Variants in PPP1R12A observed in about 807,000 individuals in gnomAD.
PPP1R12A encodes the protein myosin binding subunit.
In PPP1R12A, 19 loss-of-function variants were observed where a neutral mutation model predicts 139.6. The observed-to-expected ratio is 0.14, with a 90% CI of 0.09 to 0.20. The LOEUF is 0.20. Among genes scored for constraint, PPP1R12A ranks in the 10% least tolerant of loss-of-function variants. The probability of loss-of-function intolerance (pLI) is 1.00; values close to 1 mark genes in which losing one functional copy is unlikely to be tolerated. For synonymous variants in PPP1R12A, 427 were observed against 420.6 expected (o/e 1.02, Z -0.19); for missense variants, 925 against 1,211.5 (o/e 0.76, Z 3.51).
At position 79,809,924 on chromosome 12, in the gene PPP1R12A, C is replaced by T. The variant is rs755273750; in HGVS notation, c.1326G>A (p.Lys442=). The T allele has an allele frequency of 4.3e-6, 7 of 1,613,446 alleles. No homozygotes were observed. Among genetic ancestry groups the T allele is most frequent in the Non-Finnish European group, 5.9e-6 (7 of 1,179,690 alleles). ...CAGCAAGTGCACCATAGCTGCCCGTCTTTCTAAGTCCTAACCTCCAAGTTG... is the reference window on the plus strand; with the variant it reads ...CAGCAAGTGCACCATAGCTGCCCGTTTTTCTAAGTCCTAACCTCCAAGTTG... ...SPATWRLGLR[K]TGSYGALAEI... Residue 442 remains lysine (K), a synonymous_variant, in exon 10 of 25, where the codon AAG becomes AAA. Transcript: ENST00000450142.
chr12:79,834,943 G>A (rs1877890487), intron 3 of PPP1R12A, among the ~76,000 whole-genome samples: 1 of 152,146 alleles, frequency 6.6e-6, no homozygotes. Context: ...TAACTGGATT[G>A]AGAGATTCCT....
chr12:79,841,501 T>C (rs1878708037), intron 3 of PPP1R12A, among the ~76,000 whole-genome samples: 1 of 152,204 alleles, frequency 6.6e-6, no homozygotes, highest in Non-Finnish European at 1.5e-5. Flanking sequence ...CATAGAACAT[T>C]TGCTGGCACA....
At chr12:79,786,692 C>A in intron 21 of PPP1R12A, 1 of 348,010 alleles carries the variant, frequency 2.9e-6, no homozygotes. Context: ...TTCCAGTATT[C>A]AAAAATCAAG....
chr12:79,777,038 TAA>T (rs1230198838), intron 24 of PPP1R12A: 4 of 428,164 alleles, frequency 9.3e-6, no homozygotes, highest in Admixed American at 6.4e-5. Flanking sequence ...ATAGTAATAT[TAA>T]GTTTATTCAT....
Position 79,900,048 on chromosome 12 carries a change from T to C in PPP1R12A, c.238-27110A>G, listed in dbSNP as rs192877698. ...GAAGTTATGAACTGTGTGTTAGCCA[T>C]CCTTTCCACCCTGCAATATTTACAG... is the stretch of plus-strand genomic sequence containing the variant. On this transcript the variant is annotated intron_variant, in intron 1 of 24. Transcript: ENST00000450142. Among the ~76,000 whole-genome samples, 34 of 152,352 alleles carry C rather than the reference T, an allele frequency of 2.2e-4. No individual in the cohort carries two copies. The East Asian group carries it at 6.0e-3, about 27-fold the overall frequency.
Position 79,840,771 on chromosome 12 carries a change from G to A in PPP1R12A, c.487+4531C>T, listed in dbSNP as rs181059518. On this transcript the variant is annotated intron_variant, in intron 3 of 24. Transcript: ENST00000450142. Reference sequence around the variant, plus strand: ...TTTGAGAATCTTCTTCAAGGAATGCGTGTCACCATATATCCTACATTCTAT... The same window carrying A: ...TTTGAGAATCTTCTTCAAGGAATGCATGTCACCATATATCCTACATTCTAT... Among the ~76,000 whole-genome samples the A allele has an allele frequency of 6.6e-4, 100 of 152,220 alleles. 2 individuals carry two copies. Among genetic ancestry groups the A allele is most frequent in the African/African-American group, 2.1e-3 (86 of 41,528 alleles).
intron 4 of PPP1R12A, among the ~76,000 whole-genome samples, chr12:79,832,018 A>G (rs925097760): frequency 1.3e-5 from 2 of 152,196 alleles, no homozygotes; most frequent in Non-Finnish European, 2.9e-5. Flanking sequence ...CCAGTTATCA[A>G]TCTGGAACCT....
chr12:79,799,765 A>G (rs923978636), intron 14 of PPP1R12A, among the ~76,000 whole-genome samples: 1 of 152,040 alleles, frequency 6.6e-6, no homozygotes, highest in African/African-American at 2.4e-5. Context: ...ATTCCAGCAC[A>G]TTGGAAGGCT....
Position 79,788,676 on chromosome 12 carries a change from T to C in PPP1R12A, c.2774A>G (p.Glu925Gly), listed in dbSNP as rs1871411681. 5.0e-6 allele frequency: 8 copies of C among 1,612,884 alleles called. No individual in the cohort carries two copies. Among genetic ancestry groups the C allele is most frequent in the Non-Finnish European group, 6.8e-6 (8 of 1,179,324 alleles). ...TTTAAAGTCAGTTGAGTCATCCTTT[T>C]CTAGCCTGCTGCTGTAAGGTTTTCT... ...EERKPYSSRL[E>G]KDDSTDFKKL... is the part of the protein sequence containing the mutation. The change falls in exon 21 of 25, where the codon GAA becomes GGA. Residue 925 changes from glutamate (E) to glycine (G), a missense_variant. Physicochemically the swap from Glu to Gly is moderately conservative, Grantham distance 98 (BLOSUM62 -2). This residue lies in a region of PPP1R12A where 315 missense variants were observed against 363.4 expected (regional missense o/e 0.87). Coordinates refer to ENST00000450142, the MANE Select transcript of PPP1R12A (RefSeq NM_002480.3).
intron 14 of PPP1R12A, among the ~76,000 whole-genome samples, chr12:79,798,965 A>C (rs1459375305): frequency 1.3e-5 from 2 of 152,116 alleles, no homozygotes; most frequent in African/African-American, 4.8e-5. Flanking sequence ...ATAAGGAGTA[A>C]ATTTTTTGTC....
intron 21 of PPP1R12A, 52 bp downstream of exon 21, chr12:79,788,596 T>A (rs1565738686): frequency 4.1e-6 from 6 of 1,468,088 alleles, no homozygotes; most frequent in Non-Finnish European, 5.5e-6. Flanking sequence ...TGAATGAGTA[T>A]CTCAACATAA....
intron 19 of PPP1R12A, among the ~76,000 whole-genome samples, chr12:79,793,133 C>T (rs1025506391): frequency 7.9e-5 from 12 of 152,088 alleles, no homozygotes; most frequent in Non-Finnish European, 1.3e-4. Context: ...CTAGACAGTG[C>T]CAGGTTTAGA....
chr12:79,854,568 T>C, intron 2 of PPP1R12A, among the ~76,000 whole-genome samples: 1 of 152,222 alleles, frequency 6.6e-6, no homozygotes, highest in East Asian at 1.9e-4. Context: ...AAATGCACAT[T>C]TGAAAAGTTA....
intron 8 of PPP1R12A, among the ~76,000 whole-genome samples, chr12:79,817,750 A>G (rs1264133416): frequency 6.6e-6 from 1 of 152,204 alleles, no homozygotes; most frequent in Non-Finnish European, 1.5e-5. Flanking sequence ...GCTTCTGACA[A>G]TAAAATGCAC....
At chr12:79,846,452 CAG>C (rs1325046293) in intron 2 of PPP1R12A, among the ~76,000 whole-genome samples, 1 of 151,876 alleles carries the variant, frequency 6.6e-6, no homozygotes, top group Non-Finnish European at 1.5e-5. Context: ...TTTTTTGAGA[CAG>C]AGTCTCGCTT....
At chr12:79,934,656 C>T in intron 1 of PPP1R12A, 39 bp downstream of exon 1, 1 of 1,482,180 alleles carries the variant, frequency 6.7e-7, no homozygotes, top group East Asian at 2.6e-5. Context: ...CCGACGAGAA[C>T]CCTCACGGTC....
intron 3 of PPP1R12A, among the ~76,000 whole-genome samples, chr12:79,836,731 A>G (rs1056303862): frequency 6.6e-6 from 1 of 152,164 alleles, no homozygotes; most frequent in Non-Finnish European, 1.5e-5. Flanking sequence ...TAATTGTACT[A>G]TGTATTAGGA....
intron 1 of PPP1R12A, among the ~76,000 whole-genome samples, chr12:79,888,965 T>C (rs1019203116): frequency 2.6e-5 from 4 of 152,226 alleles, no homozygotes; most frequent in Non-Finnish European, 5.9e-5. Flanking sequence ...AGGAATTTAT[T>C]CTGCAGATAC....
chr12:79,896,206 T>C (rs939065818), intron 1 of PPP1R12A, among the ~76,000 whole-genome samples: 2 of 152,168 alleles, frequency 1.3e-5, no homozygotes, highest in Non-Finnish European at 2.9e-5. Flanking sequence ...ATGAGTAACA[T>C]AAGACCTTTC....
Sources: allele counts gnomAD v4.1 joint callset (sites outside exome capture counted in the v4.1 genomes callset), GRCh38; gene constraint gnomAD v4.1.1; regional missense constraint gnomAD v4.1.1; transcripts MANE v1.5; gene names NCBI Gene and HGNC (gene_info 2026-07-23, HGNC 2026-07-21).